The following CCDC148 variants were observed in gnomAD, a reference collection of about 807,000 sequenced individuals.
The protein encoded by CCDC148 is coiled-coil domain-containing protein 148.
CCDC148 carries 89 observed loss-of-function variants against 85.7 expected under a neutral mutation model. The ratio of observed to expected loss-of-function variants is 1.04; its 90% CI spans 0.87 to 1.24. CCDC148 has a LOEUF of 1.24. Among genes scored for constraint, CCDC148 ranks in the 50% most tolerant of loss-of-function variants. The pLI, the probability that CCDC148 is intolerant of heterozygous loss-of-function variation, is 0.00. For missense variants in CCDC148, 692 were observed against 671.7 expected (o/e 1.03, Z -0.33); for synonymous variants, 230 against 213.9 (o/e 1.08, Z -0.66).
At position 158,221,753 on chromosome 2, in the gene CCDC148, T is replaced by G. The variant is rs138423440; in HGVS notation, c.1252-1040A>C. 2.0e-5 allele frequency among the ~76,000 whole-genome samples: 3 copies of G among 152,266 alleles called. No homozygotes were observed. The East Asian group carries it at 5.8e-4, about 29-fold the overall frequency. On this transcript the variant is annotated intron_variant, in intron 10 of 13. Coordinates refer to ENST00000283233, the MANE Select transcript of CCDC148 (RefSeq NM_138803.4). ...AGACATAGCAACTCTGCAGCCACAATAGCAACATCTGTTCAATGTTTAATG... is the reference window on the plus strand; with the variant it reads ...AGACATAGCAACTCTGCAGCCACAAGAGCAACATCTGTTCAATGTTTAATG...
At chr2:158,260,645 CT>C (rs1305700160) in intron 9 of CCDC148, among the ~76,000 whole-genome samples, 1 of 152,036 alleles carries the variant, frequency 6.6e-6, no homozygotes, top group Non-Finnish European at 1.5e-5. Flanking sequence ...GCTCCTTCAG[CT>C]GATAAACAAC....
chr2:158,308,537 C>T (rs1691806686), intron 9 of CCDC148, among the ~76,000 whole-genome samples: 1 of 152,170 alleles, frequency 6.6e-6, no homozygotes, highest in Admixed American at 6.5e-5. Flanking sequence ...GTTTTATATG[C>T]TCTTAATTGG....
At chr2:158,350,008 T>C (rs1160877097) in intron 2 of CCDC148, among the ~76,000 whole-genome samples, 6 of 152,140 alleles carry the variant, frequency 3.9e-5, no homozygotes, top group Admixed American at 3.9e-4. Context: ...GCTATGAATC[T>C]CAGGTACACA....
intron 9 of CCDC148, among the ~76,000 whole-genome samples, chr2:158,283,886 A>T (rs1425589421): frequency 6.6e-6 from 1 of 152,102 alleles, no homozygotes; most frequent in Admixed American, 6.6e-5. Context: ...AAAATGTCCA[A>T]CAATGATAGA....
chr2:158,212,111 A>C (rs144575319), intron 11 of CCDC148, among the ~76,000 whole-genome samples: 5 of 152,128 alleles, frequency 3.3e-5, no homozygotes, highest in Non-Finnish European at 7.3e-5. Context: ...TCTAATATAC[A>C]TATAAAATAC....
At chr2:158,196,070 T>C (rs1291671601) in intron 11 of CCDC148, among the ~76,000 whole-genome samples, 2 of 152,150 alleles carry the variant, frequency 1.3e-5, no homozygotes, top group African/African-American at 4.8e-5. Flanking sequence ...AGCCACTTCA[T>C]ACTAGCTGGA....
intron 1 of CCDC148, chr2:158,393,299 A>G (rs1685392905): frequency 6.6e-6 from 1 of 152,154 alleles, no homozygotes; most frequent in South Asian, 2.1e-4. Context: ...CTCTACATGA[A>G]GGAACTCTGG....
At chr2:158,221,072 T>A (rs527699437) in intron 10 of CCDC148, among the ~76,000 whole-genome samples, 7 of 152,224 alleles carry the variant, frequency 4.6e-5, no homozygotes, top group Non-Finnish European at 1.0e-4. Context: ...AATATTTTTA[T>A]CTTCTTATGG....
intron 3 of CCDC148, 92 bp from the exon 4 acceptor site, chr2:158,340,772 G>T: frequency 1.3e-6 from 1 of 742,914 alleles, no homozygotes; most frequent in Non-Finnish European, 2.2e-6. Context: ...GTCTAATATG[G>T]CTTTGTCATC....
At chr2:158,321,198 T>C (rs1465193882) in intron 7 of CCDC148, among the ~76,000 whole-genome samples, 1 of 151,984 alleles carries the variant, frequency 6.6e-6, no homozygotes, top group Non-Finnish European at 1.5e-5. Context: ...AACCATAAAG[T>C]AGTTATTATG....
intron 1 of CCDC148, among the ~76,000 whole-genome samples, chr2:158,396,793 A>G (rs368849923): frequency 6.6e-6 from 1 of 151,966 alleles, no homozygotes; most frequent in East Asian, 1.9e-4. Flanking sequence ...AATGATGATG[A>G]CTACTACTAC....
intron 3 of CCDC148, among the ~76,000 whole-genome samples, chr2:158,342,175 G>T (rs951020828): frequency 2.0e-5 from 3 of 151,202 alleles, no homozygotes; most frequent in Non-Finnish European, 4.4e-5. Flanking sequence ...GACTACAGGT[G>T]CGCGCCACCA....
At chr2:158,400,409 T>G (rs565778119) in intron 1 of CCDC148, among the ~76,000 whole-genome samples, 49 of 152,038 alleles carry the variant, frequency 3.2e-4, no homozygotes, top group South Asian at 1.5e-3. Context: ...ATGCCACACA[T>G]CTACAACCAT....
At chr2:158,230,199 T>A (rs560749926) in intron 10 of CCDC148, among the ~76,000 whole-genome samples, 4 of 152,338 alleles carry the variant, frequency 2.6e-5, no homozygotes, top group African/African-American at 9.6e-5. Flanking sequence ...AGCCTCTGTC[T>A]TGTGGAACTG....
intron 9 of CCDC148, among the ~76,000 whole-genome samples, chr2:158,287,665 A>G (rs754555097): frequency 1.3e-5 from 2 of 152,140 alleles, no homozygotes; most frequent in Non-Finnish European, 2.9e-5. Flanking sequence ...CTCTGCCCCT[A>G]TGGCTTTGCA....
intron 10 of CCDC148, among the ~76,000 whole-genome samples, chr2:158,246,872 T>C (rs562421512): frequency 3.3e-5 from 5 of 152,162 alleles, no homozygotes; most frequent in South Asian, 2.1e-4. Context: ...TAGAAACTGA[T>C]AGGAAAATTG....
intron 9 of CCDC148, among the ~76,000 whole-genome samples, chr2:158,270,968 G>C (rs1212288261): frequency 6.6e-6 from 1 of 152,134 alleles, no homozygotes; most frequent in Non-Finnish European, 1.5e-5. Flanking sequence ...TAGCTCCTGA[G>C]ACAAATGGAA....
At chr2:158,346,262 G>T (rs1422896033) in intron 2 of CCDC148, among the ~76,000 whole-genome samples, 2 of 152,138 alleles carry the variant, frequency 1.3e-5, no homozygotes, top group Non-Finnish European at 2.9e-5. Context: ...CTGAAGGCAG[G>T]GAAGAAAGGA....
At chr2:158,358,618 A>G in intron 1 of CCDC148, 48 bp from the exon 2 acceptor site, 1 of 1,354,172 alleles carries the variant, frequency 7.4e-7, no homozygotes, top group Non-Finnish European at 9.8e-7. Flanking sequence ...ATATCATGTT[A>G]TTGGAAGTCA....
Sources: gnomAD v4.1 joint callset for allele counts (sites outside exome capture counted in the v4.1 genomes callset) on GRCh38, gnomAD v4.1.1 for gene constraint, MANE v1.5 for transcripts, NCBI Gene and HGNC (gene_info 2026-07-23, HGNC 2026-07-21) for gene names.